The following RPS6KA2 variants were observed in gnomAD, a reference collection of about 807,000 sequenced individuals.
RPS6KA2 encodes ribosomal protein S6 kinase alpha-2.
A neutral mutation model predicts 91.8 loss-of-function variants in RPS6KA2; 42 were observed. The ratio of observed to expected loss-of-function variants is 0.46; its 90% CI spans 0.36 to 0.59. RPS6KA2 has a LOEUF of 0.59. Ranked by LOEUF, RPS6KA2 falls within the 20% of genes least tolerant of loss-of-function variation. RPS6KA2 has a pLI of 0.00. For synonymous variants in RPS6KA2, 414 were observed against 393.6 expected (o/e 1.05, Z -0.61); for missense variants, 798 against 978.5 (o/e 0.82, Z 2.46).
At chr6:166,647,677 A>C (rs1466087426) in intron 2 of RPS6KA2, among the ~76,000 whole-genome samples, 2 of 152,136 alleles carry the variant, frequency 1.3e-5, no homozygotes, top group Middle Eastern at 3.2e-3. Context: ...CATTTAGCCA[A>C]TTGCCTCTCA....
intron 1 of RPS6KA2, among the ~76,000 whole-genome samples, chr6:166,562,382 C>T (rs537097419): frequency 5.8e-4 from 89 of 152,268 alleles, no homozygotes; most frequent in African/African-American, 2.0e-3. Context: ...TGTATACATA[C>T]AAGTCTCTAA....
chr6:166,751,365 T>A (rs1307971561), intron 2 of RPS6KA2, among the ~76,000 whole-genome samples: 1 of 152,216 alleles, frequency 6.6e-6, no homozygotes, highest in East Asian at 1.9e-4. Flanking sequence ...AAACGCACAG[T>A]CACAGGAGGG....
rs1785825604 is a variant in RPS6KA2, at chr6:166,603,515, T to A, written c.99+23406A>T. Among the ~76,000 whole-genome samples the A allele has an allele frequency of 6.6e-6, 1 of 152,080 alleles. No homozygotes were observed. The highest frequency in any genetic ancestry group is 1.5e-5 in the Non-Finnish European group (1 of 68,004). ...TAAATGGGATTAGCATGGGGGCAGC[T>A]ACCGACCAGTCACCTTCTGGAGTCG... On this transcript the variant is annotated intron_variant, in intron 1 of 20. Coordinates refer to ENST00000265678, the MANE Select transcript of RPS6KA2 (RefSeq NM_021135.6). This position sits in a 1 kb window ranked among gnomAD's most constrained non-coding sequence, Gnocchi z 4.3.
At chr6:166,745,520 T>C (rs548995046) in intron 2 of RPS6KA2, among the ~76,000 whole-genome samples, 1 of 152,150 alleles carries the variant, frequency 6.6e-6, no homozygotes, top group Admixed American at 6.5e-5. Context: ...CCATTTTACC[T>C]TCATCACCTC....
At chr6:166,586,946 G>A (rs1251808661) in intron 1 of RPS6KA2, among the ~76,000 whole-genome samples, 1 of 152,226 alleles carries the variant, frequency 6.6e-6, no homozygotes, top group East Asian at 1.9e-4. Context: ...GTGTGGTCAT[G>A]TGACTAGCCC....
At chr6:166,707,315 G>A (rs1789710603) in intron 2 of RPS6KA2, among the ~76,000 whole-genome samples, 1 of 152,354 alleles carries the variant, frequency 6.6e-6, no homozygotes, top group Non-Finnish European at 1.5e-5. Context: ...CACCCACACG[G>A]TTAGGGAGCT....
chr6:166,440,354 A>G (rs1308876478), intron 14 of RPS6KA2: 3 of 152,222 alleles, frequency 2.0e-5, no homozygotes, highest in Non-Finnish European at 4.4e-5. Flanking sequence ...GGCTGAGCAT[A>G]CGAGAAACAA....
At position 166,521,755 on chromosome 6, in the gene RPS6KA2, G is replaced by A. The variant is rs184601563; in HGVS notation, c.298+9477C>T. ...ACTTGAGTTGATGTGGGAATGAAGC[G>A]GAGGCTATGGAGATGGGATGAATGT... On this transcript the variant is annotated intron_variant, in intron 3 of 20. Transcript: ENST00000265678. Among the ~76,000 whole-genome samples, 26 of 152,300 alleles carry A rather than the reference G, an allele frequency of 1.7e-4. No homozygotes were observed. The East Asian group carries it at 2.3e-3, about 14-fold the overall frequency.
chr6:166,822,986 A>G (rs1779941192), intron 2 of RPS6KA2, among the ~76,000 whole-genome samples: 2 of 152,262 alleles, frequency 1.3e-5, no homozygotes, highest in African/African-American at 4.8e-5. Flanking sequence ...TGAGGGTATC[A>G]CTCTTTGATC....
At chr6:166,789,677 C>T (rs1381623726) in intron 2 of RPS6KA2, among the ~76,000 whole-genome samples, 7 of 152,208 alleles carry the variant, frequency 4.6e-5, no homozygotes, top group South Asian at 2.1e-4. Flanking sequence ...TCCAGAGGAA[C>T]GATCAGGCAG....
chr6:166,806,287 C>A (rs997186427), intron 2 of RPS6KA2, among the ~76,000 whole-genome samples: 1 of 152,086 alleles, frequency 6.6e-6, no homozygotes, highest in South Asian at 2.1e-4. Flanking sequence ...CAACAAACTA[C>A]AAGTATGATG....
intron 2 of RPS6KA2, among the ~76,000 whole-genome samples, chr6:166,802,934 G>A (rs200550817): frequency 4.0e-5 from 1 of 25,282 alleles, no homozygotes. Context: ...GTATGTATAT[G>A]TGTGTGTGTG....
intron 2 of RPS6KA2, among the ~76,000 whole-genome samples, chr6:166,658,456 T>C (rs1025016274): frequency 7.2e-5 from 11 of 152,204 alleles, no homozygotes; most frequent in African/African-American, 2.2e-4. Context: ...TGGTGTTTCA[T>C]GGATACTTCA....
chr6:166,778,493 T>C (rs1388995925), intron 2 of RPS6KA2, among the ~76,000 whole-genome samples: 1 of 152,226 alleles, frequency 6.6e-6, no homozygotes, highest in African/African-American at 2.4e-5. Context: ...AGGCTGGGCA[T>C]GGTGGCTCAC....
intron 2 of RPS6KA2, among the ~76,000 whole-genome samples, chr6:166,847,708 T>C (rs1415762669): frequency 6.6e-6 from 1 of 152,142 alleles, no homozygotes; most frequent in Non-Finnish European, 1.5e-5. Flanking sequence ...CCTACCCACA[T>C]GTAGAAGAAT....
chr6:166,570,981 G>T (rs1010994943), intron 1 of RPS6KA2, among the ~76,000 whole-genome samples: 1 of 152,124 alleles, frequency 6.6e-6, no homozygotes, highest in African/African-American at 2.4e-5. Context: ...AACTTTACAC[G>T]AAATAATAAA....
At chr6:166,679,649 G>C (rs545244886) in intron 2 of RPS6KA2, among the ~76,000 whole-genome samples, 2 of 152,138 alleles carry the variant, frequency 1.3e-5, no homozygotes, top group Admixed American at 6.5e-5. Context: ...GGCGCTCCTC[G>C]ATCTGGCCGC....
At chr6:166,729,389 C>A (rs1028215848) in intron 2 of RPS6KA2, among the ~76,000 whole-genome samples, 2 of 152,182 alleles carry the variant, frequency 1.3e-5, no homozygotes, top group African/African-American at 4.8e-5. Flanking sequence ...ACTCTGTCAC[C>A]CAGACTGGAG....
At chr6:166,628,015 C>T (rs1057102733), upstream of RPS6KA2, 3 of 152,076 alleles carry the variant, frequency 2.0e-5, no homozygotes, top group African/African-American at 7.2e-5. Context: ...CTCGGGGCGC[C>T]TCCCTCCCGC....
Sources: allele counts gnomAD v4.1 joint callset (sites outside exome capture counted in the v4.1 genomes callset), GRCh38; gene constraint gnomAD v4.1.1; non-coding constraint Gnocchi (gnomAD v3.1); transcripts MANE v1.5; gene names NCBI Gene and HGNC (gene_info 2026-07-23, HGNC 2026-07-21).